PDZD4: variants seen among roughly 807,000 people sequenced by gnomAD.
The protein encoded by PDZD4 is PDZ domain containing 4, also known as PDZ domain-containing protein 4.
In PDZD4, 9 loss-of-function variants were observed where a neutral mutation model predicts 38.5. The ratio of observed to expected loss-of-function variants is 0.23; its 90% CI spans 0.14 to 0.41. The LOEUF (loss-of-function observed/expected upper bound fraction) is 0.41, where lower values mean the gene tolerates loss of function less well. Ranked by LOEUF, PDZD4 falls within the 10% of genes least tolerant of loss-of-function variation. The pLI is 1.00. For synonymous variants in PDZD4, 349 were observed against 315.7 expected (o/e 1.11, Z -1.12); for missense variants, 612 against 722.0 (o/e 0.85, Z 1.75).
rs782134177 is a variant in PDZD4, at chrX:153,803,728, C to T, written c.1953G>A (p.Leu651=). The part of the protein sequence containing the change: ...YVAKRPVRDR[L]LKARALKIRE... ...GGATCTTCAGGGCACGGGCTTTCAG[C>T]AGCCGATCTCGCACGGGCCGCTTGG... Residue 651 remains leucine (L), a synonymous_variant, in exon 8 of 8, where the codon CTG becomes CTA. Coordinates refer to ENST00000393758, the MANE Select transcript of PDZD4 (RefSeq NM_001303512.2). 2 of 1,209,886 alleles carry T rather than the reference C, an allele frequency of 1.7e-6. No homozygotes were observed. Among genetic ancestry groups the T allele is most frequent in the Non-Finnish European group, 2.2e-6 (2 of 895,528 alleles).
intron 5 of PDZD4, 58 bp from the exon 6 acceptor site, chrX:153,805,664 T>A: frequency 9.8e-7 from 1 of 1,018,799 alleles, no homozygotes; most frequent in Non-Finnish European, 1.4e-6. Context: ...GGGCGGACCC[T>A]GGGCGGGTGC....
intron 1 of PDZD4, among the ~76,000 whole-genome samples, chrX:153,820,697 A>C (rs1284126632): frequency 2.7e-5 from 3 of 111,945 alleles, no homozygotes; most frequent in African/African-American, 9.8e-5. Flanking sequence ...AATGCGCCAG[A>C]GTCTGAATTT....
At chrX:153,829,461 C>T (rs904210715) in intron 1 of PDZD4, 4 of 113,189 alleles carry the variant, frequency 3.5e-5, no homozygotes, top group African/African-American at 6.5e-5. Context: ...TCTAGACAGT[C>T]TGCAGGGTGC....
At chrX:153,810,876 C>T (rs2064303370) in intron 1 of PDZD4, among the ~76,000 whole-genome samples, 1 of 112,650 alleles carries the variant, frequency 8.9e-6, no homozygotes, top group Admixed American at 9.4e-5. Context: ...TTTTCTATGT[C>T]TCCCTTCTCC....
At chrX:153,819,026 G>C (rs1014974711) in intron 1 of PDZD4, among the ~76,000 whole-genome samples, 4 of 112,596 alleles carry the variant, frequency 3.6e-5, no homozygotes, top group Admixed American at 9.2e-5. Context: ...CGCGGGAAGC[G>C]GGGCGCCCTA....
intron 1 of PDZD4, among the ~76,000 whole-genome samples, chrX:153,817,736 A>G (rs1007968100): frequency 3.2e-4 from 36 of 112,201 alleles, no homozygotes; most frequent in Non-Finnish European, 1.3e-4. Context: ...GACCAGGGGT[A>G]TCCTCACAGC....
chrX:153,813,363 G>A (rs925209621), intron 1 of PDZD4, among the ~76,000 whole-genome samples: 23 of 111,539 alleles, frequency 2.1e-4, no homozygotes, highest in African/African-American at 3.9e-4. Flanking sequence ...GGTGCTCAGG[G>A]CAAAGGGGAC....
At chrX:153,830,024 C>T in intron 1 of PDZD4, 1 of 637,622 alleles carries the variant, frequency 1.6e-6, no homozygotes, top group Non-Finnish European at 2.1e-6. Context: ...GGAAGCGCGC[C>T]CCACCCGGGC....
chrX:153,816,376 G>C (rs2064362363), intron 1 of PDZD4, among the ~76,000 whole-genome samples: 2 of 109,127 alleles, frequency 1.8e-5, no homozygotes, highest in African/African-American at 6.7e-5. Context: ...TGGGGTGCCA[G>C]GGACCCCAGG....
intron 1 of PDZD4, among the ~76,000 whole-genome samples, chrX:153,811,677 T>G (rs2064311230): frequency 8.9e-6 from 1 of 112,726 alleles, no homozygotes; most frequent in Non-Finnish European, 1.9e-5. Flanking sequence ...GAAAATTTCT[T>G]GAGGTGGAAT....
chrX:153,829,994 C>T, intron 1 of PDZD4: 1 of 742,705 alleles, frequency 1.3e-6, no homozygotes, highest in Non-Finnish European at 1.8e-6. Flanking sequence ...CCGCGCCCGC[C>T]GCACCGCGCC....
chrX:153,829,662 C>A, intron 1 of PDZD4: 1 of 731,847 alleles, frequency 1.4e-6, no homozygotes, highest in Non-Finnish European at 1.6e-6. Context: ...TGGTCCACGC[C>A]CCGCAAAGCC....
rs782403197 is a variant in PDZD4, at chrX:153,804,623, G to C, written c.1058C>G (p.Pro353Arg). ...EGAGLGGGDVPGLTDEEYERY... is the reference protein window; with the variant it reads ...EGAGLGGGDVRGLTDEEYERY... The stretch of plus-strand genomic sequence containing the variant: ...CTCATACTCCTCATCCGTGAGGCCC[G>C]GGACGTCGCCCCCTCCCAGCCCCGC... Residue 353 changes from proline (P) to arginine (R), a missense_variant, in exon 8 of 8, where the codon CCG becomes CGG. Physicochemically the swap from Pro to Arg is moderately radical, Grantham distance 103. Transcript: ENST00000393758. The C allele has an allele frequency of 8.3e-7, 1 of 1,207,960 alleles. No individual in the cohort carries two copies. Among genetic ancestry groups the C allele is most frequent in the African/African-American group, 1.7e-5 (1 of 57,379 alleles).
Position 153,807,319 on chromosome X carries a change from C to T in PDZD4, c.365G>A (p.Gly122Asp). 1.7e-6 allele frequency: 2 copies of T among 1,210,364 alleles called. No individual in the cohort carries two copies. Among genetic ancestry groups the T allele is most frequent in the Non-Finnish European group, 2.2e-6 (2 of 895,042 alleles). ...YYDPAEFMEG[G>D]PQEADRLDEL... ...ATCCAAGCGGTCTGCCTCCTGCGGG[C>T]CGCCCTCCATAAACTCCGCCGGGTC... Residue 122 changes from glycine to aspartate, a missense_variant, in exon 3 of 8, where the codon GGC (glycine) becomes GAC (aspartate). Gly to Asp is a moderately conservative substitution (Grantham distance 94). This residue lies in a region of PDZD4 where 225 missense variants were observed against 311.0 expected (regional missense o/e 0.72). Coordinates refer to ENST00000393758, the MANE Select transcript of PDZD4 (RefSeq NM_001303512.2).
intron 1 of PDZD4, among the ~76,000 whole-genome samples, chrX:153,812,362 G>T (rs1016263520): frequency 9.2e-6 from 1 of 108,472 alleles, no homozygotes; most frequent in Non-Finnish European, 1.9e-5. Flanking sequence ...CAGGCAGTGG[G>T]ATGCTCAGGT....
rs200984641 is a variant in PDZD4, at chrX:153,806,023, C to T, written c.567+48G>A. On this transcript the variant is annotated intron_variant, in intron 5 of 7. Transcript: ENST00000393758. ...GGCTAAAGAGAGGTGGCTGGGCCGA[C>T]GGGCACAGCGGGGCCTTGGGCCAGG... 4 of 1,183,811 alleles carry T rather than the reference C, an allele frequency of 3.4e-6. No individual in the cohort carries two copies. In the East Asian group the frequency reaches 1.2e-4, roughly 35 times the overall value.
Position 153,803,485 on chromosome X carries a change from G to A in PDZD4, c.2196C>T (p.Arg732=). 1 of 1,168,735 alleles carries A rather than the reference G, an allele frequency of 8.6e-7. No homozygotes were observed. The highest frequency in any genetic ancestry group is 2.0e-5 in the South Asian group (1 of 50,094). Residue 732 remains arginine (R), a synonymous_variant, in exon 8 of 8, where the codon CGC becomes CGT. Transcript: ENST00000393758. ...TCTTGTTCCGCTTCTTCATGGTTTT[G>A]CGGTGGCTCAGGGCAATGATGTTGA... The part of the protein sequence containing the change: ...PELNIIALSH[R]KTMKKRNKKI...
intron 1 of PDZD4, among the ~76,000 whole-genome samples, chrX:153,810,955 A>C (rs1250901409): frequency 4.4e-5 from 5 of 112,720 alleles, no homozygotes; most frequent in Non-Finnish European, 9.4e-5. Flanking sequence ...AAAGAAACAC[A>C]GTTCATTTTT....
At chrX:153,810,341 G>A (rs1557078537) in intron 1 of PDZD4, among the ~76,000 whole-genome samples, 4 of 112,693 alleles carry the variant, frequency 3.5e-5, no homozygotes, top group Non-Finnish European at 7.5e-5. Context: ...GGTGGGAGGC[G>A]GGGAAGGCTT....
Sources: allele counts gnomAD v4.1 joint callset (sites outside exome capture counted in the v4.1 genomes callset), GRCh38; gene constraint gnomAD v4.1.1; regional missense constraint gnomAD v4.1.1; transcripts MANE v1.5; gene names NCBI Gene and HGNC (gene_info 2026-07-23, HGNC 2026-07-21).